The following ATXN2 variants were observed in gnomAD, a reference collection of about 807,000 sequenced individuals.
The protein encoded by ATXN2 is ataxin 2.
Under a neutral mutation model 138.6 loss-of-function variants are expected in ATXN2, and 37 were observed. That is an observed-to-expected ratio of 0.27 (90% CI 0.21 to 0.35). The LOEUF (loss-of-function observed/expected upper bound fraction) is 0.35, where lower values mean the gene tolerates loss of function less well. Among genes scored for constraint, ATXN2 ranks in the 10% least tolerant of loss-of-function variants. ATXN2 has a pLI of 1.00. For synonymous variants in ATXN2, 549 were observed against 543.7 expected (o/e 1.01, Z -0.13); for missense variants, 1,216 against 1,480.3 (o/e 0.82, Z 2.93).
At position 111,452,823 on chromosome 12, in the gene ATXN2, G is replaced by A. The variant is rs967113346; in HGVS notation, c.3457C>T (p.Gln1153Ter). The A allele has an allele frequency of 1.2e-6, 2 of 1,613,912 alleles. No homozygotes were observed. Among genetic ancestry groups the A allele is most frequent in the South Asian group, 1.1e-5 (1 of 91,014 alleles). ...CCTCCAGGGCAGCCTTACAACTGCT[G>A]TTGGTGGTGGGCTTGTACTGTAAAA... ...THPSVQAHHQ[Q>*]QL The change falls in exon 25 of 25, where the codon CAG (glutamine) becomes TAG (stop). Residue 1153 changes from glutamine to a stop codon, truncating the protein, a stop_gained. Transcript: ENST00000673436. LOFTEE classifies it high-confidence loss of function.
At chr12:111,497,061 C>G (rs1038809784) in intron 14 of ATXN2, among the ~76,000 whole-genome samples, 5 of 151,924 alleles carry the variant, frequency 3.3e-5, no homozygotes, top group Admixed American at 2.6e-4. Context: ...TTCAAAGGAT[C>G]ATTAGAGACT....
At chr12:111,485,949 T>C in intron 16 of ATXN2, 84 bp from the exon 17 acceptor site, 2 of 1,390,270 alleles carry the variant, frequency 1.4e-6, no homozygotes, top group Non-Finnish European at 2.0e-6. Context: ...TCCCAGTCTT[T>C]CTAATTTTAC....
intron 14 of ATXN2, among the ~76,000 whole-genome samples, chr12:111,502,662 C>G (rs1458074544): frequency 6.6e-6 from 1 of 152,068 alleles, no homozygotes; most frequent in Non-Finnish European, 1.5e-5. Flanking sequence ...AACTCCTGAC[C>G]TCAGCTGATC....
chr12:111,585,817 A>AAC (rs1884294061), intron 1 of ATXN2, among the ~76,000 whole-genome samples: 1 of 150,452 alleles, frequency 6.6e-6, no homozygotes, highest in Non-Finnish European at 1.5e-5. Flanking sequence ...AAAAAAAAAA[A>AAC]AAAAAAAAAA....
chr12:111,561,250 T>G (rs1421031461), intron 1 of ATXN2, among the ~76,000 whole-genome samples: 1 of 151,360 alleles, frequency 6.6e-6, no homozygotes, highest in Non-Finnish European at 1.5e-5. Context: ...TCCCAGCACT[T>G]TGGGAGGCCA....
chr12:111,486,812 T>C lies in ATXN2; in HGVS notation c.2253A>G (p.Lys751=), dbSNP rs1337514510. ...CCTTTGCATTGGGATTCAATGTTGA[T>C]TTCCTAACTTGCCTAAAAAAAATAT... The part of the protein sequence containing the change: ...EKKDAAEQVR[K]STLNPNAKEF... The change falls in exon 16 of 25, where the codon AAA becomes AAG. Residue 751 remains lysine (K), a synonymous_variant. Transcript: ENST00000673436. 1.9e-6 allele frequency: 3 copies of C among 1,612,686 alleles called. No individual in the cohort carries two copies. Among genetic ancestry groups the C allele is most frequent in the Non-Finnish European group, 2.5e-6 (3 of 1,179,060 alleles).
chr12:111,513,293 A>G, intron 11 of ATXN2, 64 bp downstream of exon 11: 1 of 1,545,456 alleles, frequency 6.5e-7, no homozygotes, highest in Non-Finnish European at 8.8e-7. Flanking sequence ...GTTGTAGCTC[A>G]GCCCTCTTTA....
In ATXN2 at chr12:111,552,148, TAA is replaced by T. The variant is rs1020334699; in HGVS notation, c.571+130_571+131del. Reference sequence around the variant, plus strand: ...CACCCGCCTCAGCCTCCCTAAGTGCTAAGATTACAGGAATGAGCCGCCATACC... The same window carrying T: ...CACCCGCCTCAGCCTCCCTAAGTGCTGATTACAGGAATGAGCCGCCATACC... On this transcript the variant is annotated intron_variant, in intron 5 of 24. Transcript: ENST00000673436. This position sits in a 1 kb window ranked among gnomAD's most constrained non-coding sequence, Gnocchi z 4.1. 3.6e-5 allele frequency: 35 copies of T among 983,894 alleles called. No individual in the cohort carries two copies. The African/African-American group carries it at 5.5e-4, about 15-fold the overall frequency. 60.9% of individuals were successfully genotyped at this position (983,894 alleles called of 1,614,324 possible).
At position 111,579,083 on chromosome 12, in the gene ATXN2, C is replaced by T. The variant is rs1005840957; in HGVS notation, c.251+19701G>A. Among the ~76,000 whole-genome samples the T allele has an allele frequency of 2.0e-5, 3 of 152,110 alleles. No individual in the cohort carries two copies. The East Asian group carries it at 5.8e-4, about 29-fold the overall frequency. On this transcript the variant is annotated intron_variant, in intron 1 of 24. Coordinates refer to ENST00000673436, the MANE Select transcript of ATXN2 (RefSeq NM_001372574.1). ...CTAGGGAAAGAAAATATAGCAGTCA[C>T]TTTAGCAAACAGTTTAGCAATTACT... is the stretch of plus-strand genomic sequence containing the variant.
intron 18 of ATXN2, among the ~76,000 whole-genome samples, chr12:111,480,294 T>C (rs1039230363): frequency 6.6e-6 from 1 of 152,232 alleles, no homozygotes; most frequent in Admixed American, 6.5e-5. Flanking sequence ...ACATTTTGGA[T>C]AGTCATTTAG....
At chr12:111,573,029 T>C (rs1883424597) in intron 1 of ATXN2, among the ~76,000 whole-genome samples, 2 of 151,690 alleles carry the variant, frequency 1.3e-5, no homozygotes, top group Admixed American at 6.6e-5. Context: ...TGATGTTGTT[T>C]CCAAATTTCA....
chr12:111,476,717 AG>A (rs1341766028), intron 18 of ATXN2, among the ~76,000 whole-genome samples: 1 of 152,244 alleles, frequency 6.6e-6, no homozygotes, highest in Admixed American at 6.5e-5. Context: ...AAAGAAAACT[AG>A]AAAACACTGG....
chr12:111,573,715 T>C (rs1883464387), intron 1 of ATXN2, among the ~76,000 whole-genome samples: 1 of 152,124 alleles, frequency 6.6e-6, no homozygotes, highest in Non-Finnish European at 1.5e-5. Flanking sequence ...GCTGGGCTGT[T>C]GTAAGGCTTA....
chr12:111,468,459 A>T (rs1876178148), intron 20 of ATXN2: 1 of 152,240 alleles, frequency 6.6e-6, no homozygotes, highest in Non-Finnish European at 1.5e-5. Context: ...TTATAAAACT[A>T]AACACCTTTG....
At chr12:111,456,496 A>G (rs1411128327) in intron 22 of ATXN2, among the ~76,000 whole-genome samples, 2 of 152,210 alleles carry the variant, frequency 1.3e-5, no homozygotes, top group African/African-American at 4.8e-5. Context: ...CATACATACT[A>G]AAGTCAAAAA....
intron 21 of ATXN2, chr12:111,461,295 C>T (rs1875561704): frequency 6.6e-6 from 1 of 152,044 alleles, no homozygotes; most frequent in Non-Finnish European, 1.5e-5. Flanking sequence ...CACGGCGAAA[C>T]CCTGTCTCTA....
chr12:111,592,404 C>A (rs1391150869), intron 1 of ATXN2, among the ~76,000 whole-genome samples: 2 of 150,268 alleles, frequency 1.3e-5, no homozygotes, highest in African/African-American at 4.9e-5. Flanking sequence ...AACAAAAAAA[C>A]CCTTAGATGG....
chr12:111,520,852 CTAAAA>C, intron 7 of ATXN2, 25 bp downstream of exon 7: 1 of 1,336,482 alleles, frequency 7.5e-7, no homozygotes, highest in South Asian at 1.4e-5. Flanking sequence ...GACAAATGCA[CTAAAA>C]TAAAAACAAA....
At chr12:111,561,075 C>G (rs979608379) in intron 1 of ATXN2, among the ~76,000 whole-genome samples, 2 of 150,556 alleles carry the variant, frequency 1.3e-5, no homozygotes, top group Non-Finnish European at 3.0e-5. Context: ...GTCCCAGCTA[C>G]TCAGGAGGCT....
Sources: allele counts gnomAD v4.1 joint callset (sites outside exome capture counted in the v4.1 genomes callset), GRCh38; gene constraint gnomAD v4.1.1; non-coding constraint Gnocchi (gnomAD v3.1); transcripts MANE v1.5; gene names NCBI Gene and HGNC (gene_info 2026-07-23, HGNC 2026-07-21).